The following SKIC3 variants were observed in gnomAD, a reference collection of about 807,000 sequenced individuals.
SKIC3 encodes SKI3 subunit of superkiller complex, also known as superkiller complex protein 3.
the SKIC3 span, among the ~76,000 whole-genome samples, chr5:95,494,176 C>G: frequency 6.6e-6 from 1 of 152,090 alleles, no homozygotes; most frequent in Non-Finnish European, 1.5e-5. Context: ...ATTTTCAGTA[C>G]CAGGTAATAA....
At chr5:95,509,046 T>C in the SKIC3 span, among the ~76,000 whole-genome samples, 1 of 152,094 alleles carries the variant, frequency 6.6e-6, no homozygotes, top group African/African-American at 2.4e-5. Flanking sequence ...CCCCACCTCC[T>C]TAAGATGAGC....
At chr5:95,492,868 G>T in the SKIC3 span, among the ~76,000 whole-genome samples, 1 of 151,700 alleles carries the variant, frequency 6.6e-6, no homozygotes, top group Non-Finnish European at 1.5e-5. Flanking sequence ...GACAATAGCT[G>T]GCAGCAATTT....
the SKIC3 span, among the ~76,000 whole-genome samples, chr5:95,489,520 T>TAAAA: frequency 8.6e-6 from 1 of 116,654 alleles, no homozygotes; most frequent in Non-Finnish European, 1.9e-5. Context: ...GGCAACCAGT[T>TAAAA]AAAAAAAAAA....
the SKIC3 span, among the ~76,000 whole-genome samples, chr5:95,508,307 T>C: frequency 1.4e-4 from 21 of 152,244 alleles, no homozygotes; most frequent in Non-Finnish European, 2.2e-4. Context: ...CAGGTCTTTT[T>C]ACTTTTCACC....
the SKIC3 span, chr5:95,484,973 C>G: frequency 1.6e-5 from 15 of 944,314 alleles, no homozygotes; most frequent in Middle Eastern, 2.9e-4. Context: ...GTTACATGTG[C>G]CACATGTACC....
At chr5:95,509,380 C>T in the SKIC3 span, among the ~76,000 whole-genome samples, 13 of 152,224 alleles carry the variant, frequency 8.5e-5, no homozygotes, top group South Asian at 8.3e-4. Context: ...CTCAGCAAAG[C>T]GAGAGGGGTT....
At chr5:95,490,720 G>T in the SKIC3 span, among the ~76,000 whole-genome samples, 3 of 152,034 alleles carry the variant, frequency 2.0e-5, no homozygotes, top group African/African-American at 7.2e-5. Context: ...GGATGGTCTC[G>T]ATCTCCTGAC....
At chr5:95,549,266 G>T in the SKIC3 span, among the ~76,000 whole-genome samples, 14 of 151,990 alleles carry the variant, frequency 9.2e-5, 1 homozygote, top group Middle Eastern at 3.4e-3. Flanking sequence ...GCAAGTATAG[G>T]AAACAGTGAG....
At chr5:95,532,315 CATATTT>C in the SKIC3 span, among the ~76,000 whole-genome samples, 9 of 152,088 alleles carry the variant, frequency 5.9e-5, no homozygotes, top group Non-Finnish European at 1.0e-4. Context: ...ACCTTCCTAA[CATATTT>C]CCTTTGCTAA....
the SKIC3 span, chr5:95,536,620 C>T: frequency 1.1e-4 from 59 of 537,990 alleles, no homozygotes; most frequent in African/African-American, 1.0e-3. Context: ...ACTCATAATT[C>T]TTCTGTATTA....
chr5:95,549,098 G>T, the SKIC3 span, among the ~76,000 whole-genome samples: 1 of 152,038 alleles, frequency 6.6e-6, no homozygotes, highest in Non-Finnish European at 1.5e-5. Context: ...GAGTGGAAGT[G>T]CAATAGGAAT....
At chr5:95,543,439 G>A in the SKIC3 span, 1 of 1,209,046 alleles carries the variant, frequency 8.3e-7, no homozygotes, top group Non-Finnish European at 1.2e-6. Flanking sequence ...ACTTAACAGG[G>A]CAAACTTCAG....
At chr5:95,512,224 A>G in the SKIC3 span, among the ~76,000 whole-genome samples, 1 of 152,170 alleles carries the variant, frequency 6.6e-6, no homozygotes, top group Non-Finnish European at 1.5e-5. Flanking sequence ...AGAGTGTATT[A>G]AAGCCTAATA....
At chr5:95,481,593 C>G in the SKIC3 span, among the ~76,000 whole-genome samples, 2 of 152,052 alleles carry the variant, frequency 1.3e-5, no homozygotes, top group Non-Finnish European at 2.9e-5. Flanking sequence ...AATATGAAAT[C>G]AACAACATCT....
the SKIC3 span, chr5:95,529,430 T>C: frequency 7.9e-5 from 30 of 380,168 alleles, no homozygotes; most frequent in Non-Finnish European, 1.1e-4. Context: ...TTTTACTGAT[T>C]CCCCACTGTT....
the SKIC3 span, among the ~76,000 whole-genome samples, chr5:95,507,174 C>T: frequency 6.6e-6 from 1 of 152,030 alleles, no homozygotes; most frequent in Non-Finnish European, 1.5e-5. Flanking sequence ...CACAAAAGCA[C>T]TTATATATAT....
the SKIC3 span, among the ~76,000 whole-genome samples, chr5:95,468,692 T>C: frequency 0.034 from 5,119 of 152,304 alleles, 111 homozygotes; most frequent in Non-Finnish European, 0.048. Context: ...ATAACTTGTC[T>C]TGAAGATGCT....
At chr5:95,523,368 A>G in the SKIC3 span, 1 of 1,574,248 alleles carries the variant, frequency 6.4e-7, no homozygotes, top group South Asian at 1.1e-5. Flanking sequence ...ATTGAACATT[A>G]TAAAAAGACA....
At chr5:95,516,908 T>C in the SKIC3 span, 5 of 1,579,514 alleles carry the variant, frequency 3.2e-6, no homozygotes, top group Admixed American at 5.4e-5. Flanking sequence ...AATTTATTTA[T>C]ACCATACATG....
Sources: allele counts gnomAD v4.1 joint callset (sites outside exome capture counted in the v4.1 genomes callset), GRCh38; gene constraint gnomAD v4.1.1; transcripts MANE v1.5; gene names NCBI Gene and HGNC (gene_info 2026-07-23, HGNC 2026-07-21).